Variants in TMEM108 observed in about 807,000 individuals in gnomAD.
TMEM108 encodes transmembrane protein 108.
Under a neutral mutation model 35.1 loss-of-function variants are expected in TMEM108, and 12 were observed. The ratio of observed to expected loss-of-function variants is 0.34; its 90% CI spans 0.22 to 0.55. The LOEUF is 0.55. TMEM108 is among the 20% of genes least tolerant of loss of function. The pLI, the probability that TMEM108 is intolerant of heterozygous loss-of-function variation, is 0.89. For synonymous variants in TMEM108, 287 were observed against 308.6 expected, an observed-to-expected ratio of 0.93 and a Z score of 0.73; for missense variants, 680 against 753.3, an observed-to-expected ratio of 0.90 and a Z score of 1.14.
At chr3:133,112,297 A>T (rs1252595453) in intron 2 of TMEM108, among the ~76,000 whole-genome samples, 1 of 152,158 alleles carries the variant, frequency 6.6e-6, no homozygotes, top group Non-Finnish European at 1.5e-5. Context: ...GGCAAAATGT[A>T]TCAGTGACCC....
chr3:133,206,798 G>A (rs1945761764), intron 2 of TMEM108, among the ~76,000 whole-genome samples: 2 of 152,194 alleles, frequency 1.3e-5, no homozygotes. Context: ...CATTTGAGGA[G>A]GCAGTCTGTC....
intron 2 of TMEM108, among the ~76,000 whole-genome samples, chr3:133,227,993 A>T (rs1946099454): frequency 6.6e-6 from 1 of 152,214 alleles, no homozygotes; most frequent in African/African-American, 2.4e-5. Flanking sequence ...CCAAATCCAT[A>T]GAGACAATAG....
chr3:133,104,940 G>C (rs1381790416), intron 2 of TMEM108, among the ~76,000 whole-genome samples: 1 of 152,116 alleles, frequency 6.6e-6, no homozygotes, highest in Non-Finnish European at 1.5e-5. Flanking sequence ...GTTACCTAAG[G>C]ATTCATCCCC....
chr3:133,160,536 G>T (rs962791866), intron 2 of TMEM108, among the ~76,000 whole-genome samples: 3 of 152,210 alleles, frequency 2.0e-5, no homozygotes, highest in Non-Finnish European at 4.4e-5. Flanking sequence ...TGGATGCTGG[G>T]GCCAGGTTTA....
intron 3 of TMEM108, among the ~76,000 whole-genome samples, chr3:133,286,517 G>T (rs1405961602): frequency 1.3e-5 from 2 of 151,740 alleles, no homozygotes; most frequent in Non-Finnish European, 1.5e-5. Flanking sequence ...ATTTTTTTTT[G>T]TAGAGATGGG....
chr3:133,364,762 TATC>T (rs2072454430), intron 3 of TMEM108, among the ~76,000 whole-genome samples: 2 of 152,150 alleles, frequency 1.3e-5, no homozygotes, highest in African/African-American at 2.4e-5. Context: ...TTAATTGAAA[TATC>T]ATCTGTGGCA....
At chr3:133,155,040 G>A (rs1019835870) in intron 2 of TMEM108, among the ~76,000 whole-genome samples, 2 of 152,068 alleles carry the variant, frequency 1.3e-5, no homozygotes, top group East Asian at 3.9e-4. Flanking sequence ...CCCAGTGTCT[G>A]TTGTTCCCCT....
At chr3:133,153,384 A>G (rs181950619) in intron 2 of TMEM108, among the ~76,000 whole-genome samples, 16 of 152,292 alleles carry the variant, frequency 1.1e-4, no homozygotes, top group Admixed American at 3.3e-4. Context: ...AGTGCTTACT[A>G]TGTATTAGAC....
At chr3:133,282,260 C>G (rs1030471634) in intron 3 of TMEM108, among the ~76,000 whole-genome samples, 2 of 152,178 alleles carry the variant, frequency 1.3e-5, no homozygotes, top group African/African-American at 4.8e-5. Flanking sequence ...GGCCTTTCTG[C>G]CAAACGTACT....
Position 133,063,509 on chromosome 3 carries a change from C to A in TMEM108, c.-47+17489C>A, listed in dbSNP as rs149529178. ...GTGAGCAGTGGGATCTTGCTAATGA[C>A]TATAAGTTCCAGACAGCACAGGGAA... On this transcript the variant is annotated intron_variant, in intron 2 of 5. Transcript: ENST00000321871. Among the ~76,000 whole-genome samples the A allele has an allele frequency of 1.4e-3, 207 of 152,132 alleles. 1 individual carries two copies. Among genetic ancestry groups the A allele is most frequent in the African/African-American group, 4.6e-3 (189 of 41,480 alleles).
At chr3:133,377,874 C>G (rs1357057268) in intron 3 of TMEM108, among the ~76,000 whole-genome samples, 1 of 152,224 alleles carries the variant, frequency 6.6e-6, no homozygotes, top group Non-Finnish European at 1.5e-5. Context: ...CCATTAGATT[C>G]TCATAGGAGC....
intron 2 of TMEM108, among the ~76,000 whole-genome samples, chr3:133,174,469 T>A (rs774932008): frequency 6.6e-6 from 1 of 152,196 alleles, no homozygotes; most frequent in Non-Finnish European, 1.5e-5. Flanking sequence ...GATACTCCTC[T>A]GAGACAAAAC....
intron 2 of TMEM108, among the ~76,000 whole-genome samples, chr3:133,048,240 G>A (rs9834147): frequency 0.4 from 60,962 of 151,962 alleles, 12,806 homozygotes; most frequent in Admixed American, 0.5. Flanking sequence ...AGCCTCCAAA[G>A]GAAAACTATC....
Position 133,098,356 on chromosome 3 carries a change from C to A in TMEM108, c.-47+52336C>A, listed in dbSNP as rs187626338. 2.2e-3 allele frequency among the ~76,000 whole-genome samples: 331 copies of A among 152,304 alleles called. 3 individuals are homozygous for A. The highest frequency in any genetic ancestry group is 1.9e-3 in the Non-Finnish European group (127 of 68,026). Reference sequence around the variant, plus strand: ...TCAATTACCTCACCCGGGGTCCCTCCCACAACACATGGGAATTCTGGGAGA... The same window carrying A: ...TCAATTACCTCACCCGGGGTCCCTCACACAACACATGGGAATTCTGGGAGA... On this transcript the variant is annotated intron_variant, in intron 2 of 5. Transcript: ENST00000321871.
At chr3:133,088,035 T>A (rs1943904354) in intron 2 of TMEM108, among the ~76,000 whole-genome samples, 1 of 152,084 alleles carries the variant, frequency 6.6e-6, no homozygotes, top group Admixed American at 6.6e-5. Context: ...GTGTCTAGAG[T>A]GTTGAAATTG....
intron 2 of TMEM108, among the ~76,000 whole-genome samples, chr3:133,123,150 G>A (rs927802700): frequency 1.3e-5 from 2 of 152,078 alleles, no homozygotes; most frequent in African/African-American, 4.8e-5. Flanking sequence ...TTAGACATCT[G>A]TTCACATCAG....
intron 2 of TMEM108, among the ~76,000 whole-genome samples, chr3:133,223,248 T>G (rs1178589464): frequency 2.6e-5 from 4 of 152,244 alleles, no homozygotes; most frequent in African/African-American, 9.6e-5. Flanking sequence ...AAGCCCTTTT[T>G]CAGTCAACCT....
intron 2 of TMEM108, among the ~76,000 whole-genome samples, chr3:133,165,065 A>G (rs1261417979): frequency 6.6e-6 from 1 of 152,234 alleles, no homozygotes; most frequent in Non-Finnish European, 1.5e-5. Flanking sequence ...ATGAAATGCC[A>G]TTTGATTCTC....
At chr3:133,089,488 TTACTC>T (rs1445595964) in intron 2 of TMEM108, among the ~76,000 whole-genome samples, 1 of 152,222 alleles carries the variant, frequency 6.6e-6, no homozygotes, top group Non-Finnish European at 1.5e-5. Flanking sequence ...TTGGTCCACT[TTACTC>T]TGAATGTGCC....
Sources: allele counts gnomAD v4.1 joint callset (sites outside exome capture counted in the v4.1 genomes callset), GRCh38; gene constraint gnomAD v4.1.1; transcripts MANE v1.5; gene names NCBI Gene and HGNC (gene_info 2026-07-23, HGNC 2026-07-21).